Variants in SMYD1 observed in about 807,000 individuals in gnomAD.
SMYD1 encodes the protein histone-lysine N-methyltransferase SMYD1.
A neutral mutation model predicts 54.0 loss-of-function variants in SMYD1; 49 were observed. That is an observed-to-expected ratio of 0.91 (90% confidence interval 0.72 to 1.15). The LOEUF (loss-of-function observed/expected upper bound fraction) is 1.15. SMYD1 is among the 50% of genes most tolerant of loss of function. The pLI, the probability that SMYD1 is intolerant of heterozygous loss-of-function variation, is 0.00. For missense variants in SMYD1, 653 were observed against 639.6 expected, an observed-to-expected ratio of 1.02 and a Z score of -0.23; for synonymous variants, 269 against 234.2, an observed-to-expected ratio of 1.15 and a Z score of -1.36.
At position 88,071,940 on chromosome 2, in the gene SMYD1, A is replaced by G. The variant is rs374274037; in HGVS notation, c.137+3939A>G. ...CATGGGGTCAAACTGGGAATTCGCA[A>G]TGCTGGGTTTTGTTGTTGTTGTTAA... On this transcript the variant is annotated intron_variant, in intron 1 of 9. Transcript: ENST00000419482. Among the ~76,000 whole-genome samples the G allele has an allele frequency of 5.3e-5, 8 of 151,820 alleles. No individual in the cohort carries two copies. In the East Asian group the frequency reaches 7.8e-4, roughly 15 times the overall value.
intron 7 of SMYD1, among the ~76,000 whole-genome samples, chr2:88,104,198 C>T (rs1216468631): frequency 6.6e-6 from 1 of 152,178 alleles, no homozygotes; most frequent in East Asian, 1.9e-4. Flanking sequence ...GATTTCCCAA[C>T]ATCATGATCT....
At chr2:88,092,457 CA>C (rs1342881422) in intron 4 of SMYD1, among the ~76,000 whole-genome samples, 1 of 152,128 alleles carries the variant, frequency 6.6e-6, no homozygotes, top group East Asian at 1.9e-4. Context: ...GACTTTGAGC[CA>C]TCAACAATGA....
Position 88,093,567 on chromosome 2 carries a change from C to T in SMYD1, c.698+12C>T. 1 of 1,614,136 alleles carries T rather than the reference C, an allele frequency of 6.2e-7. No individual in the cohort carries two copies. The highest frequency in any genetic ancestry group is 8.5e-7 in the Non-Finnish European group (1 of 1,180,004). ...CATACCCAGATGAGGTGGGTCAGTCCTTTCAAGCATCCCTGCTCCTCTGAC... is the reference window on the plus strand; with the variant it reads ...CATACCCAGATGAGGTGGGTCAGTCTTTTCAAGCATCCCTGCTCCTCTGAC... On this transcript the variant is annotated intron_variant, in intron 5 of 9. Coordinates refer to ENST00000419482, the MANE Select transcript of SMYD1 (RefSeq NM_198274.4).
intron 9 of SMYD1, among the ~76,000 whole-genome samples, 156 bp from the exon 10 acceptor site, chr2:88,110,198 T>TCA (rs1553457000): frequency 2.1e-5 from 3 of 142,804 alleles, no homozygotes; most frequent in African/African-American, 7.8e-5. Flanking sequence ...CCTTGATGAA[T>TCA]GAGTGTGTGT....
At chr2:88,086,865 G>C (rs1254733221) in intron 2 of SMYD1, among the ~76,000 whole-genome samples, 1 of 148,544 alleles carries the variant, frequency 6.7e-6, no homozygotes, top group East Asian at 2.0e-4. Context: ...TTAAGTTTTA[G>C]GGTACATGTG....
At chr2:88,080,265 C>A (rs1031755755) in intron 1 of SMYD1, among the ~76,000 whole-genome samples, 13 of 152,148 alleles carry the variant, frequency 8.5e-5, no homozygotes, top group African/African-American at 3.1e-4. Context: ...TAGGTGATTA[C>A]CTAGGTGATC....
chr2:88,091,531 A>G (rs11895481), intron 4 of SMYD1, among the ~76,000 whole-genome samples: 32,730 of 152,026 alleles, frequency 0.22, 3,727 homozygotes, highest in African/African-American at 0.29. Flanking sequence ...CAATTTACAG[A>G]AGTGTGGACA....
intron 6 of SMYD1, 54 bp from the exon 7 acceptor site, chr2:88,103,004 G>A (rs902072977): frequency 1.4e-6 from 2 of 1,389,230 alleles, no homozygotes; most frequent in Non-Finnish European, 2.0e-6. Flanking sequence ...ATTCAAAGGT[G>A]GAATGGGTTG....
chr2:88,080,167 C>T (rs1300291406), intron 1 of SMYD1, among the ~76,000 whole-genome samples: 1 of 151,996 alleles, frequency 6.6e-6, no homozygotes, highest in African/African-American at 2.4e-5. Context: ...CCTTGTGATA[C>T]CACATATTCC....
intron 2 of SMYD1, among the ~76,000 whole-genome samples, chr2:88,085,070 T>A (rs988880686): frequency 6.6e-6 from 1 of 152,034 alleles, no homozygotes; most frequent in African/African-American, 2.4e-5. Flanking sequence ...TATTTTTAAA[T>A]TGATCCACCA....
chr2:88,083,649 C>A (rs769643537), intron 1 of SMYD1, among the ~76,000 whole-genome samples: 1 of 152,172 alleles, frequency 6.6e-6, no homozygotes, highest in Non-Finnish European at 1.5e-5. Context: ...CTGAATAACA[C>A]TAGTTCACCA....
intron 1 of SMYD1, among the ~76,000 whole-genome samples, chr2:88,069,694 A>C (rs912250890): frequency 3.3e-5 from 5 of 152,236 alleles, no homozygotes; most frequent in Non-Finnish European, 5.9e-5. Context: ...TTGTCATTTT[A>C]GAAAATTTAG....
At chr2:88,083,886 G>A (rs1010418944) in intron 1 of SMYD1, among the ~76,000 whole-genome samples, 5 of 152,134 alleles carry the variant, frequency 3.3e-5, no homozygotes, top group African/African-American at 1.2e-4. Context: ...CACTTGTCAG[G>A]AGTTCGAGAC....
At chr2:88,104,006 A>G (rs142020898) in intron 7 of SMYD1, among the ~76,000 whole-genome samples, 4,408 of 146,704 alleles carry the variant, frequency 0.03, 218 homozygotes, top group African/African-American at 0.1. Flanking sequence ...TCGCTCTGTC[A>G]CCCAGGCTGG....
chr2:88,068,088 G>A (rs754365031), intron 1 of SMYD1, 87 bp downstream of exon 1: 74 of 1,489,054 alleles, frequency 5.0e-5, no homozygotes, highest in Admixed American at 1.3e-4. Flanking sequence ...ATCATCAGGG[G>A]AAGGGATAAA....
chr2:88,100,044 A>T, intron 6 of SMYD1, among the ~76,000 whole-genome samples: 1 of 124,236 alleles, frequency 8.0e-6, no homozygotes, highest in African/African-American at 3.2e-5. Context: ...TCCTTCTCCT[A>T]TGCCTCTGGC....
Position 88,072,909 on chromosome 2 carries a change from T to C in SMYD1, c.137+4908T>C, listed in dbSNP as rs1291261769. Among the ~76,000 whole-genome samples, 4 of 152,192 alleles carry C rather than the reference T, an allele frequency of 2.6e-5. 1 individual carries two copies. Among genetic ancestry groups the C allele is most frequent in the African/African-American group, 9.7e-5 (4 of 41,450 alleles). On this transcript the variant is annotated intron_variant, in intron 1 of 9. Transcript: ENST00000419482. ...AATTTAATTAGATGCCATATATTAG[T>C]TTTTATTTTCATTTTAGATTTTGGG...
intron 6 of SMYD1, among the ~76,000 whole-genome samples, chr2:88,101,037 C>A (rs1674708268): frequency 6.6e-6 from 1 of 152,146 alleles, no homozygotes; most frequent in Admixed American, 6.5e-5. Flanking sequence ...AATATAGTAC[C>A]CCTTTCCTTA....
rs1673869156 is a variant in SMYD1 at position 88,068,021 on chromosome 2, G to C, written c.137+20G>C. Reference sequence around the variant, plus strand: ...TGACAGGTATGAAATGTGGGGAGTTGCCTTCTCTCCTGTTAGTTTGGCTGG... The same window carrying C: ...TGACAGGTATGAAATGTGGGGAGTTCCCTTCTCTCCTGTTAGTTTGGCTGG... On this transcript the variant is annotated intron_variant, in intron 1 of 9. Transcript: ENST00000419482. 1 of 1,605,992 alleles carries C rather than the reference G, an allele frequency of 6.2e-7. No individual in the cohort carries two copies. The highest frequency in any genetic ancestry group is 1.7e-5 in the Admixed American group (1 of 59,372).
Sources: gnomAD v4.1 joint callset for allele counts (sites outside exome capture counted in the v4.1 genomes callset) on GRCh38, gnomAD v4.1.1 for gene constraint, MANE v1.5 for transcripts, NCBI Gene and HGNC (gene_info 2026-07-23, HGNC 2026-07-21) for gene names.